KIAA1217: variants seen among roughly 807,000 people sequenced by gnomAD.
The protein encoded by KIAA1217 is sickle tail protein homolog.
KIAA1217 carries 88 observed loss-of-function variants against 163.9 expected under a neutral mutation model. That is an observed-to-expected ratio of 0.54 (90% CI 0.45 to 0.64). The LOEUF (loss-of-function observed/expected upper bound fraction) is 0.64. Ranked by LOEUF, KIAA1217 falls within the 30% of genes least tolerant of loss-of-function variation. KIAA1217 has a pLI of 0.00. For synonymous variants in KIAA1217, 903 were observed against 923.1 expected, an observed-to-expected ratio of 0.98 and a Z score of 0.39; for missense variants, 2,372 against 2,475.0, an observed-to-expected ratio of 0.96 and a Z score of 0.88.
intron 2 of KIAA1217, among the ~76,000 whole-genome samples, chr10:24,032,291 G>A (rs141085607): frequency 1.3e-3 from 204 of 152,172 alleles, no homozygotes; most frequent in African/African-American, 4.5e-3. Context: ...ATGGAGTCTC[G>A]TTCTGTCATC....
chr10:24,320,489 T>C (rs2043995137), intron 2 of KIAA1217, among the ~76,000 whole-genome samples: 1 of 152,252 alleles, frequency 6.6e-6, no homozygotes, highest in African/African-American at 2.4e-5. Context: ...CTATTCCTTT[T>C]TGGTTAGAGT....
At chr10:23,742,064 G>A (rs1335824) in intron 1 of KIAA1217, among the ~76,000 whole-genome samples, 31,239 of 152,104 alleles carry the variant, frequency 0.21, 3,386 homozygotes, top group Middle Eastern at 0.25. Flanking sequence ...TAATGGTGGC[G>A]CAGGTAGGAA....
chr10:23,900,558 C>T (rs1841915431), intron 1 of KIAA1217, among the ~76,000 whole-genome samples: 1 of 152,034 alleles, frequency 6.6e-6, no homozygotes, highest in African/African-American at 2.4e-5. Context: ...CTTCCTTTCA[C>T]AAAAAGTATA....
intron 2 of KIAA1217, among the ~76,000 whole-genome samples, chr10:24,355,169 C>G (rs2134095597): frequency 6.6e-6 from 1 of 152,270 alleles, no homozygotes; most frequent in East Asian, 1.9e-4. Flanking sequence ...GTCCCTGGAG[C>G]TTGGGGCCAG....
At chr10:23,870,200 G>A (rs532341681) in intron 1 of KIAA1217, among the ~76,000 whole-genome samples, 2 of 152,088 alleles carry the variant, frequency 1.3e-5, no homozygotes, top group Non-Finnish European at 2.9e-5. Flanking sequence ...GCAGGAACAC[G>A]TGAGGATTTT....
intron 1 of KIAA1217, among the ~76,000 whole-genome samples, chr10:23,940,789 T>C (rs1843735498): frequency 6.6e-6 from 1 of 152,236 alleles, no homozygotes; most frequent in Non-Finnish European, 1.5e-5. Context: ...TACAGAAATA[T>C]CTTTGAAACT....
At chr10:24,362,134 G>C (rs2134255247) in intron 2 of KIAA1217, among the ~76,000 whole-genome samples, 1 of 152,090 alleles carries the variant, frequency 6.6e-6, no homozygotes, top group African/African-American at 2.4e-5. Flanking sequence ...CCTAACATTT[G>C]CATCCTTAGT....
chr10:24,527,881 C>T (rs890284699), intron 13 of KIAA1217, 55 bp from the exon 14 acceptor site: 34 of 1,412,924 alleles, frequency 2.4e-5, no homozygotes, highest in Non-Finnish European at 3.1e-5. Flanking sequence ...TCCCAGTGTC[C>T]GTTGTTCTCC....
At chr10:23,841,378 T>A (rs1453115897) in intron 1 of KIAA1217, among the ~76,000 whole-genome samples, 1 of 152,324 alleles carries the variant, frequency 6.6e-6, no homozygotes, top group Admixed American at 6.5e-5. Context: ...CATTGCTGGG[T>A]GGCAGTGAAA....
At chr10:24,057,080 C>T (rs1031088304) in intron 2 of KIAA1217, among the ~76,000 whole-genome samples, 1 of 144,372 alleles carries the variant, frequency 6.9e-6, no homozygotes, top group South Asian at 2.2e-4. Flanking sequence ...CCCATCTCTA[C>T]AAAAAAAAAA....
chr10:24,047,263 C>T (rs1045158298), intron 2 of KIAA1217, among the ~76,000 whole-genome samples: 2 of 152,122 alleles, frequency 1.3e-5, no homozygotes, highest in Non-Finnish European at 2.9e-5. Flanking sequence ...AAGAAAGGCT[C>T]TTCCATCACA....
chr10:24,034,431 C>T (rs1215986439), intron 2 of KIAA1217, among the ~76,000 whole-genome samples: 2 of 151,934 alleles, frequency 1.3e-5, no homozygotes, highest in African/African-American at 4.8e-5. Context: ...GGCATGGTGG[C>T]ACATGCCTGT....
At chr10:23,909,440 T>C (rs1842332471) in intron 1 of KIAA1217, among the ~76,000 whole-genome samples, 1 of 151,974 alleles carries the variant, frequency 6.6e-6, no homozygotes, top group African/African-American at 2.4e-5. Context: ...GGTGACGAAA[T>C]TACTCATATT....
chr10:23,857,840 T>C (rs1839769995), intron 1 of KIAA1217, among the ~76,000 whole-genome samples: 1 of 152,152 alleles, frequency 6.6e-6, no homozygotes, highest in Admixed American at 6.5e-5. Flanking sequence ...TATGTATGTA[T>C]TTATAGAGGA....
chr10:24,202,188 A>G (rs11013956), intron 2 of KIAA1217, among the ~76,000 whole-genome samples: 3,101 of 152,348 alleles, frequency 0.02, 104 homozygotes, highest in African/African-American at 0.069. Flanking sequence ...GAGGCTGAGA[A>G]CTGATGAAAA....
Position 23,721,180 on chromosome 10 carries a change from A to C in KIAA1217, c.-321+25946A>C, listed in dbSNP as rs968330957. On this transcript the variant is annotated intron_variant, in intron 1 of 18. Coordinates refer to the KIAA1217 transcript ENST00000376462. ...TGAGCGTGTGCCCTTGAAAAATCAG[A>C]TGTAACTTCCAAAGTGACTCTAGGA... Among the ~76,000 whole-genome samples the C allele has an allele frequency of 3.3e-5, 5 of 152,178 alleles. No individual in the cohort carries two copies. The East Asian group carries it at 9.6e-4, about 29-fold the overall frequency.
chr10:23,872,185 G>A (rs1004579491), intron 1 of KIAA1217, among the ~76,000 whole-genome samples: 5 of 152,018 alleles, frequency 3.3e-5, no homozygotes, highest in Non-Finnish European at 4.4e-5. Context: ...GGAAAGACAA[G>A]ACAAGTATAG....
In KIAA1217 at chr10:24,278,106, A is replaced by G. The variant is rs114315179; in HGVS notation, c.354+58197A>G. Among the ~76,000 whole-genome samples, 238 of 152,340 alleles carry G rather than the reference A, an allele frequency of 1.6e-3. 1 individual carries two copies. The highest frequency in any genetic ancestry group is 5.3e-3 in the African/African-American group (220 of 41,582). ...CACCTCTTAGGCTGTGTGTGAAAGT[A>G]GCGAGGAGAGGCAGGGTCTGCATGA... On this transcript the variant is annotated intron_variant, in intron 2 of 20. Transcript: ENST00000376454.
chr10:24,148,673 T>TGA (rs932291588), intron 2 of KIAA1217, among the ~76,000 whole-genome samples: 26 of 152,200 alleles, frequency 1.7e-4, no homozygotes, highest in African/African-American at 6.3e-4. Context: ...GTAAGCTTCC[T>TGA]GAGGCCTCAT....
Sources: gnomAD v4.1 joint callset for allele counts (sites outside exome capture counted in the v4.1 genomes callset) on GRCh38, gnomAD v4.1.1 for gene constraint, MANE v1.5 for transcripts, NCBI Gene and HGNC (gene_info 2026-07-23, HGNC 2026-07-21) for gene names.